TMLHE: variants seen among roughly 807,000 people sequenced by gnomAD.
The protein encoded by TMLHE is trimethyllysine hydroxylase, epsilon, also known as trimethyllysine dioxygenase, mitochondrial.
A neutral mutation model predicts 25.7 loss-of-function variants in TMLHE; 18 were observed. That is an observed-to-expected ratio of 0.70 (90% CI 0.48 to 1.04). The LOEUF (loss-of-function observed/expected upper bound fraction) is 1.04, where lower values mean the gene tolerates loss of function less well. TMLHE is among the 50% of genes least tolerant of loss of function. TMLHE has a pLI of 0.00. For synonymous variants in TMLHE, 105 were observed against 97.0 expected (o/e 1.08, Z -0.49); for missense variants, 236 against 259.0 (o/e 0.91, Z 0.61).
rs1254267176 is a variant in TMLHE, at chrX:155,571,672, G to C, written c.-1-26395C>G. 3.4e-3 allele frequency among the ~76,000 whole-genome samples: 155 copies of C among 45,127 alleles called. 16 individuals carry two copies. Among genetic ancestry groups the C allele is most frequent in the African/African-American group, 7.7e-3 (146 of 18,899 alleles). 39.2% of individuals were successfully genotyped at this position (45,127 alleles called of 115,157 possible). ...GGCTTCATCCCTGGGATGCAAGGCT[G>C]GTTCAATATACGCAAATCAATAAAT... On this transcript the variant is annotated intron_variant, in intron 1 of 7. Transcript: ENST00000334398.
intron 1 of TMLHE, among the ~76,000 whole-genome samples, chrX:155,558,714 C>G (rs2067475149): frequency 9.0e-6 from 1 of 111,610 alleles, no homozygotes; most frequent in African/African-American, 3.2e-5. Flanking sequence ...CATCCTTTGC[C>G]TATGATATGT....
chrX:155,582,116 G>T (rs782029889), intron 1 of TMLHE, among the ~76,000 whole-genome samples: 2 of 112,214 alleles, frequency 1.8e-5, no homozygotes, highest in African/African-American at 6.5e-5. Flanking sequence ...AAACTGGCTA[G>T]CCATATGGAG....
chrX:155,548,464 G>A (rs781851732), intron 1 of TMLHE, among the ~76,000 whole-genome samples: 34 of 108,764 alleles, frequency 3.1e-4, no homozygotes, highest in African/African-American at 4.9e-4. Flanking sequence ...GGCTGGGCAC[G>A]GTGGCTCATG....
intron 2 of TMLHE, among the ~76,000 whole-genome samples, chrX:155,541,846 T>C (rs1372564592): frequency 1.8e-5 from 2 of 111,853 alleles, no homozygotes; most frequent in African/African-American, 6.5e-5. Flanking sequence ...ATGTCTGCTT[T>C]TGAGAAGTGT....
intron 2 of TMLHE, among the ~76,000 whole-genome samples, chrX:155,541,369 A>G (rs2067310595): frequency 9.0e-6 from 1 of 111,689 alleles, no homozygotes; most frequent in Non-Finnish European, 1.9e-5. Context: ...TGCAAAGGAC[A>G]TGAACTCATC....
chrX:155,536,988 C>T (rs1487099155), intron 2 of TMLHE, among the ~76,000 whole-genome samples: 1 of 111,890 alleles, frequency 8.9e-6, no homozygotes, highest in African/African-American at 3.2e-5. Context: ...TCTTTTATAA[C>T]CCACATTTAA....
intron 5 of TMLHE, among the ~76,000 whole-genome samples, chrX:155,511,078 A>G (rs1336365586): frequency 9.0e-6 from 1 of 111,455 alleles, no homozygotes; most frequent in Admixed American, 9.6e-5. Flanking sequence ...TTTTATTCCT[A>G]GGAGTCTGAT....
chrX:155,556,639 A>G (rs1168116928), intron 1 of TMLHE, among the ~76,000 whole-genome samples: 1 of 109,343 alleles, frequency 9.1e-6, no homozygotes, highest in African/African-American at 3.3e-5. Context: ...GGACCACAGG[A>G]CGGAAGCGAA....
At chrX:155,573,874 A>C (rs1231075972) in intron 1 of TMLHE, among the ~76,000 whole-genome samples, 2 of 90,921 alleles carry the variant, frequency 2.2e-5, no homozygotes, top group African/African-American at 4.2e-5. Context: ...AGGAGATATA[A>C]CTAATGCTAA....
At chrX:155,612,565 A>C (rs1038235250) in intron 1 of TMLHE, 1 of 113,102 alleles carries the variant, frequency 8.8e-6, no homozygotes, top group Non-Finnish European at 1.9e-5. Context: ...ATCTCCGGGC[A>C]GACTCTGTCG....
At chrX:155,546,773 T>C (rs1197081084) in intron 1 of TMLHE, among the ~76,000 whole-genome samples, 1 of 111,764 alleles carries the variant, frequency 8.9e-6, no homozygotes, top group African/African-American at 3.2e-5. Context: ...TAATCTGGGT[T>C]ACATTTATTT....
At position 155,570,853 on chromosome X, in the gene TMLHE, T is replaced by G. The variant is rs782704763; in HGVS notation, c.-1-25576A>C. ...TTCAAAGTGTCTAGAGGGAAATTTA[T>G]AGCACTAAATACCCACAAGAGAAGC... On this transcript the variant is annotated intron_variant, in intron 1 of 7. Coordinates refer to ENST00000334398, the MANE Select transcript of TMLHE (RefSeq NM_018196.4). Among the ~76,000 whole-genome samples, 57 of 57,417 alleles carry G rather than the reference T, an allele frequency of 9.9e-4. 11 individuals are homozygous for G. The highest frequency in any genetic ancestry group is 2.4e-3 in the African/African-American group (57 of 23,881). The allele number at this position is 57,417 out of a possible 115,157, so 49.9% of individuals were successfully genotyped here.
chrX:155,549,732 G>A (rs2067400038), intron 1 of TMLHE, among the ~76,000 whole-genome samples: 1 of 109,761 alleles, frequency 9.1e-6, no homozygotes. Context: ...TTTATGCTGG[G>A]TTTTTAAAAT....
At chrX:155,568,809 G>T (rs2067525968) in intron 1 of TMLHE, among the ~76,000 whole-genome samples, 1 of 60,997 alleles carries the variant, frequency 1.6e-5, no homozygotes, top group African/African-American at 3.7e-5. Flanking sequence ...AAACAGAAAG[G>T]ATATCCACAC....
intron 1 of TMLHE, among the ~76,000 whole-genome samples, chrX:155,548,535 G>T (rs7887277): frequency 8.2e-5 from 9 of 109,143 alleles, no homozygotes; most frequent in East Asian, 5.8e-4. Flanking sequence ...GCAGTATGAG[G>T]CCAGCCTGAC....
chrX:155,559,786 C>G (rs1557341463), intron 1 of TMLHE, among the ~76,000 whole-genome samples: 2 of 112,406 alleles, frequency 1.8e-5, no homozygotes, highest in Admixed American at 9.4e-5. Context: ...TCACCTCATA[C>G]CTGGCCTATT....
intron 1 of TMLHE, among the ~76,000 whole-genome samples, chrX:155,566,399 A>C (rs2067511713): frequency 1.6e-5 from 1 of 61,759 alleles, no homozygotes; most frequent in African/African-American, 3.6e-5. Context: ...CTTCCAGTCT[A>C]AGCAGGAAGG....
chrX:155,548,747 G>A (rs1310213348), intron 1 of TMLHE, among the ~76,000 whole-genome samples: 3 of 106,531 alleles, frequency 2.8e-5, no homozygotes, highest in Non-Finnish European at 5.8e-5. Flanking sequence ...AAAAAAAAAA[G>A]ACATCCTACA....
intron 1 of TMLHE, among the ~76,000 whole-genome samples, chrX:155,546,530 G>A (rs782059138): frequency 3.6e-5 from 4 of 110,693 alleles, no homozygotes; most frequent in African/African-American, 1.3e-4. Context: ...GTGTGTGCGC[G>A]CATGCGTATG....
Sources: allele counts gnomAD v4.1 joint callset (sites outside exome capture counted in the v4.1 genomes callset), GRCh38; gene constraint gnomAD v4.1.1; transcripts MANE v1.5; gene names NCBI Gene and HGNC (gene_info 2026-07-23, HGNC 2026-07-21).